The following RAB11FIP3 variants were observed in gnomAD, a reference collection of about 807,000 sequenced individuals.
RAB11FIP3 encodes the protein RAB11 family interacting protein 3.
In RAB11FIP3, 17 loss-of-function variants were observed where a neutral mutation model predicts 77.8. The ratio of observed to expected loss-of-function variants is 0.22; its 90% CI spans 0.15 to 0.33. The LOEUF is 0.33. Ranked by LOEUF, RAB11FIP3 falls within the 10% of genes least tolerant of loss-of-function variation. RAB11FIP3 has a pLI of 1.00. For synonymous variants in RAB11FIP3, 437 were observed against 448.2 expected (o/e 0.98, Z 0.31); for missense variants, 1,005 against 1,011.2 (o/e 0.99, Z 0.08).
Position 426,468 on chromosome 16 carries a change from G to T in RAB11FIP3, c.462G>T (p.Ala154=). ...AGGGGTCCAGCAGCAGCCACCGAGC[G>T]CGGGGCGAGGTCGACGTCTTCTCTC... is the stretch of plus-strand genomic sequence containing the variant. ...RLQGSSSSHR[A]RGEVDVFSPF... Residue 154 remains alanine, a synonymous_variant, in exon 1 of 14, where the codon GCG becomes GCT. Transcript: ENST00000262305. This position sits in a 1 kb window ranked among gnomAD's most constrained non-coding sequence, Gnocchi z 5.0. The T allele has an allele frequency of 6.3e-7, 1 of 1,581,078 alleles. No individual in the cohort carries two copies. The highest frequency in any genetic ancestry group is 8.6e-7 in the Non-Finnish European group (1 of 1,164,764).
At chr16:442,257 A>G (rs1013086231) in intron 1 of RAB11FIP3, among the ~76,000 whole-genome samples, 4 of 152,198 alleles carry the variant, frequency 2.6e-5, no homozygotes, top group African/African-American at 4.8e-5. Flanking sequence ...CTCCTGCCTC[A>G]GCTTCCTGCG....
At chr16:458,168 A>AG (rs1476769272) in intron 1 of RAB11FIP3, among the ~76,000 whole-genome samples, 1 of 152,232 alleles carries the variant, frequency 6.6e-6, no homozygotes, top group Non-Finnish European at 1.5e-5. Flanking sequence ...CAGTGGCGAG[A>AG]GGGCCAGCCA....
intron 5 of RAB11FIP3, among the ~76,000 whole-genome samples, chr16:495,337 G>T (rs1158969477): frequency 6.6e-6 from 1 of 152,202 alleles, no homozygotes. Context: ...AGCTGCAAAC[G>T]GCGTGGTGGG....
At chr16:475,148 G>A (rs2055878961) in intron 3 of RAB11FIP3, 1 of 1,510,790 alleles carries the variant, frequency 6.6e-7, no homozygotes, top group Non-Finnish European at 8.9e-7. Flanking sequence ...TATTTCTGTG[G>A]TGGAGAGAGG....
chr16:504,013 CACT>C (rs1447006654), intron 7 of RAB11FIP3, among the ~76,000 whole-genome samples: 1 of 53,370 alleles, frequency 1.9e-5, no homozygotes, highest in Non-Finnish European at 4.4e-5. Context: ...TGTACCCCCT[CACT>C]ACCTCCTGTA....
intron 3 of RAB11FIP3, chr16:482,319 G>A (rs1356047783): frequency 1.4e-5 from 10 of 699,668 alleles, no homozygotes; most frequent in Non-Finnish European, 2.6e-5. Context: ...GCCTCCGAAA[G>A]TACTGGGATT....
chr16:488,620 G>A, intron 4 of RAB11FIP3, among the ~76,000 whole-genome samples: 1 of 151,950 alleles, frequency 6.6e-6, no homozygotes, highest in East Asian at 1.9e-4. Context: ...TGTTGCCCAG[G>A]CTGGTCTCAA....
chr16:447,616 T>C (rs1173343519), intron 1 of RAB11FIP3, among the ~76,000 whole-genome samples: 2 of 152,164 alleles, frequency 1.3e-5, no homozygotes, highest in Non-Finnish European at 2.9e-5. Context: ...CAGGCACCTA[T>C]AGTCCCAGCT....
chr16:447,722 AG>A (rs1184137111), intron 1 of RAB11FIP3, among the ~76,000 whole-genome samples: 1 of 152,100 alleles, frequency 6.6e-6, no homozygotes, highest in Non-Finnish European at 1.5e-5. Context: ...TGGGCAACAG[AG>A]CGAGACTCCA....
chr16:519,179 C>G (rs1456076637), intron 10 of RAB11FIP3, 155 bp downstream of exon 10: 1 of 723,452 alleles, frequency 1.4e-6, no homozygotes. Flanking sequence ...CTGGAAGACA[C>G]TGGACCGTGC....
chr16:437,804 A>T (rs1043024496), intron 1 of RAB11FIP3, among the ~76,000 whole-genome samples: 1 of 151,992 alleles, frequency 6.6e-6, no homozygotes, highest in African/African-American at 2.4e-5. Flanking sequence ...AATTATTATT[A>T]TTTTTTGAGA....
intron 1 of RAB11FIP3, among the ~76,000 whole-genome samples, chr16:453,810 G>A (rs1440679013): frequency 6.6e-6 from 1 of 151,672 alleles, no homozygotes; most frequent in African/African-American, 2.4e-5. Context: ...AGCCAGGCTG[G>A]TCTCGAACTC....
chr16:511,351 G>A (rs1164029165), intron 9 of RAB11FIP3, among the ~76,000 whole-genome samples: 47 of 75,184 alleles, frequency 6.3e-4, no homozygotes, highest in African/African-American at 8.7e-4. Context: ...GGTTCCTGAC[G>A]GCCCGCCCAC....
chr16:488,208 G>A (rs567552493), intron 4 of RAB11FIP3, among the ~76,000 whole-genome samples: 15 of 152,138 alleles, frequency 9.9e-5, no homozygotes, highest in Admixed American at 7.9e-4. Flanking sequence ...GTGAAACCCC[G>A]TCTCTACTAA....
rs566831934 is a variant in RAB11FIP3, at chr16:506,755, T to C, written c.1499+1128T>C. Reference sequence around the variant, plus strand: ...TAACAAAGCAAAGCATGTGCTCTTGTGGAGTGAAGACCCTGGGCTTGGCGG... The same window carrying C: ...TAACAAAGCAAAGCATGTGCTCTTGCGGAGTGAAGACCCTGGGCTTGGCGG... On this transcript the variant is annotated intron_variant, in intron 8 of 13. Transcript: ENST00000262305. This position sits in a 1 kb window ranked among gnomAD's most constrained non-coding sequence, Gnocchi z 4.5. Among the ~76,000 whole-genome samples the C allele has an allele frequency of 3.3e-5, 5 of 152,364 alleles. No individual in the cohort carries two copies. The highest frequency in any genetic ancestry group is 5.9e-5 in the Non-Finnish European group (4 of 68,032).
At chr16:473,723 A>ATAT in intron 3 of RAB11FIP3, among the ~76,000 whole-genome samples, 1 of 152,162 alleles carries the variant, frequency 6.6e-6, no homozygotes, top group East Asian at 1.9e-4. Context: ...TACAGGCGTG[A>ATAT]GCCACCGCAC....
Position 426,851 on chromosome 16 carries a change from T to A in RAB11FIP3, c.714+131T>A. On this transcript the variant is annotated intron_variant, in intron 1 of 13. Coordinates refer to ENST00000262305, the MANE Select transcript of RAB11FIP3 (RefSeq NM_014700.4). This position sits in a 1 kb window ranked among gnomAD's most constrained non-coding sequence, Gnocchi z 5.0. Reference sequence around the variant, plus strand: ...TGTCAAGACCTGACGGTCCTGCTTTTTCTGCTTATTCACCACTTCGGCCCT... The same window carrying A: ...TGTCAAGACCTGACGGTCCTGCTTTATCTGCTTATTCACCACTTCGGCCCT... The A allele has an allele frequency of 1.6e-6, 1 of 618,018 alleles. No individual in the cohort carries two copies. 38.3% of individuals were successfully genotyped at this position (618,018 alleles called of 1,614,324 possible).
intron 1 of RAB11FIP3, among the ~76,000 whole-genome samples, chr16:455,327 A>G (rs769953479): frequency 6.6e-6 from 1 of 151,766 alleles, no homozygotes; most frequent in African/African-American, 2.4e-5. Context: ...TACAAAAATC[A>G]GCCGGGCGTG....
Position 474,906 on chromosome 16 carries a change from G to A in RAB11FIP3, c.903+3517G>A. On this transcript the variant is annotated intron_variant, in intron 3 of 13. Coordinates refer to ENST00000262305, the MANE Select transcript of RAB11FIP3 (RefSeq NM_014700.4). ...TCTCCTAGGTGGTGATGTGCCTCCA[G>A]GTGAGCGCACAGGCTTTGCAGAAAC... 7.9e-6 allele frequency: 12 copies of A among 1,523,178 alleles called. No homozygotes were observed. In the South Asian group the frequency reaches 1.5e-4, roughly 19 times the overall value. 94.4% of individuals were successfully genotyped at this position (1,523,178 alleles called of 1,614,324 possible). A position where few individuals can be genotyped will look rare whatever the true frequency, so the allele number is the denominator to read the frequency against.
Sources: allele counts gnomAD v4.1 joint callset (sites outside exome capture counted in the v4.1 genomes callset), GRCh38; gene constraint gnomAD v4.1.1; non-coding constraint Gnocchi (gnomAD v3.1); transcripts MANE v1.5; gene names NCBI Gene and HGNC (gene_info 2026-07-23, HGNC 2026-07-21).